RPTOR: variants seen among roughly 807,000 people sequenced by gnomAD.
RPTOR encodes the protein regulatory associated protein of MTOR complex 1, also known as regulatory-associated protein of mTOR.
In RPTOR, 21 loss-of-function variants were observed where a neutral mutation model predicts 169.9. The observed-to-expected ratio is 0.12, with a 90% confidence interval of 0.09 to 0.18. The LOEUF is 0.18. Among genes scored for constraint, RPTOR ranks in the 10% least tolerant of loss-of-function variants. The pLI is 1.00. For missense variants in RPTOR, 1,133 were observed against 1,855.9 expected (o/e 0.61, Z 7.16); for synonymous variants, 732 against 753.2 (o/e 0.97, Z 0.46).
chr17:80,959,297 T>C lies in RPTOR; in HGVS notation c.3478-781T>C, dbSNP rs2069302179. Reference sequence around the variant, plus strand: ...CCCTCAGGGCACAGCGTGGACACCCTGATCCTCAGGGTCTGGTCACCAGTG... The same window carrying C: ...CCCTCAGGGCACAGCGTGGACACCCCGATCCTCAGGGTCTGGTCACCAGTG... On this transcript the variant is annotated intron_variant, in intron 29 of 33. Transcript: ENST00000306801. This position sits in a 1 kb window ranked among gnomAD's most constrained non-coding sequence, Gnocchi z 6.7. Among the ~76,000 whole-genome samples the C allele has an allele frequency of 6.6e-6, 1 of 152,186 alleles. No individual in the cohort carries two copies. The highest frequency in any genetic ancestry group is 2.4e-5 in the African/African-American group (1 of 41,452).
At chr17:80,608,322 T>C (rs1364995231) in intron 1 of RPTOR, among the ~76,000 whole-genome samples, 3 of 152,254 alleles carry the variant, frequency 2.0e-5, no homozygotes, top group African/African-American at 4.8e-5. Flanking sequence ...TGCATTATTC[T>C]GCAATTTTCT....
intron 26 of RPTOR, among the ~76,000 whole-genome samples, chr17:80,946,884 G>A (rs1319055169): frequency 6.6e-6 from 1 of 152,216 alleles, no homozygotes; most frequent in Non-Finnish European, 1.5e-5. Flanking sequence ...AATTTTCGGA[G>A]GAACCACCAG....
intron 24 of RPTOR, among the ~76,000 whole-genome samples, chr17:80,930,793 T>C (rs1288862263): frequency 6.6e-6 from 1 of 152,222 alleles, no homozygotes; most frequent in East Asian, 1.9e-4. Flanking sequence ...TGGACTCTGG[T>C]GCTCGCAGTC....
At chr17:80,713,979 C>T (rs2066218686) in intron 4 of RPTOR, among the ~76,000 whole-genome samples, 1 of 152,092 alleles carries the variant, frequency 6.6e-6, no homozygotes, top group Admixed American at 6.5e-5. Context: ...GCTTTGGTTG[C>T]CCAGGCTGGA....
intron 1 of RPTOR, among the ~76,000 whole-genome samples, chr17:80,614,196 C>T: frequency 6.6e-6 from 1 of 152,282 alleles, no homozygotes; most frequent in African/African-American, 2.4e-5. Context: ...AAGCCACATG[C>T]TGCGGTTGGG....
In RPTOR at chr17:80,958,511, T is replaced by C. The variant is rs1016581807; in HGVS notation, c.3477+781T>C. On this transcript the variant is annotated intron_variant, in intron 29 of 33. Coordinates refer to ENST00000306801, the MANE Select transcript of RPTOR (RefSeq NM_020761.3). Reference sequence around the variant, plus strand: ...CTGCAAGCTCCGCCTCCTGGGTTCATGCCATTCTTCTGCCTCAGCCTCCCG... The same window carrying C: ...CTGCAAGCTCCGCCTCCTGGGTTCACGCCATTCTTCTGCCTCAGCCTCCCG... 1.4e-4 allele frequency among the ~76,000 whole-genome samples: 21 copies of C among 147,372 alleles called. 1 individual carries two copies. Among genetic ancestry groups the C allele is most frequent in the African/African-American group, 2.3e-4 (9 of 39,748 alleles).
chr17:80,877,399 C>T (rs2068133019), intron 13 of RPTOR, among the ~76,000 whole-genome samples: 1 of 152,248 alleles, frequency 6.6e-6, no homozygotes, highest in Admixed American at 6.5e-5. Context: ...GTGGTTCCCA[C>T]CTGGCATAAT....
intron 5 of RPTOR, chr17:80,743,203 C>G (rs921711618): frequency 1.0e-6 from 1 of 982,062 alleles, no homozygotes; most frequent in Non-Finnish European, 1.2e-6. Flanking sequence ...CTGAAATTAG[C>G]CAAGGCTCTC....
At chr17:80,848,339 T>G (rs1192497885) in intron 11 of RPTOR, among the ~76,000 whole-genome samples, 1 of 152,260 alleles carries the variant, frequency 6.6e-6, no homozygotes, top group Non-Finnish European at 1.5e-5. Context: ...GCTGTCAGTA[T>G]ATTATGACAG....
intron 20 of RPTOR, among the ~76,000 whole-genome samples, chr17:80,902,672 C>CATGTGGAAGGATGGCT (rs1567977843): frequency 2.6e-5 from 4 of 152,234 alleles, no homozygotes; most frequent in African/African-American, 9.6e-5. Flanking sequence ...TGGCTGGAGA[C>CATGTGGAAGGATGGCT]GGTCTGTGGC....
rs71367010 is a variant in RPTOR at position 80,692,278 on chromosome 17, C to CGTTATGTTATGTTATGTTAT, written c.349-15527_349-15508dup. Reference sequence around the variant, plus strand: ...AGGTGCACGCCACCATGTCTGGCTACGTTATGTTATGTTATGTTATGTTAT... The same window carrying CGTTATGTTATGTTATGTTAT: ...AGGTGCACGCCACCATGTCTGGCTACGTTATGTTATGTTATGTTATGTTATGTTATGTTATGTTATGTTAT... On this transcript the variant is annotated intron_variant, in intron 3 of 33. Transcript: ENST00000306801. 6.3e-4 allele frequency among the ~76,000 whole-genome samples: 91 copies of CGTTATGTTATGTTATGTTAT among 145,484 alleles called. 1 individual carries two copies. Among genetic ancestry groups the CGTTATGTTATGTTATGTTAT allele is most frequent in the Non-Finnish European group, 5.3e-4 (35 of 66,562 alleles).
chr17:80,742,399 T>A (rs551048666), intron 5 of RPTOR, among the ~76,000 whole-genome samples: 85 of 151,956 alleles, frequency 5.6e-4, no homozygotes, highest in Non-Finnish European at 9.7e-4. Context: ...AGGCCAGGTT[T>A]GGAGGAAGGA....
chr17:80,940,423 C>G lies in RPTOR; in HGVS notation c.2920-73C>G. ...TTTGCTATCCGAGGGGTCCTAGAAC[C>G]CATACCCCATTGATACCAAGAGACA... On this transcript the variant is annotated intron_variant, in intron 24 of 33. Transcript: ENST00000306801. 4 of 1,303,394 alleles carry G rather than the reference C, an allele frequency of 3.1e-6. No individual in the cohort carries two copies. In the South Asian group the frequency reaches 3.9e-5, roughly 13 times the overall value. 80.7% of individuals were successfully genotyped at this position (1,303,394 alleles called of 1,614,324 possible). A position where few individuals can be genotyped will look rare whatever the true frequency, so the allele number is the denominator to read the frequency against.
At chr17:80,602,854 C>T (rs1477205004) in intron 1 of RPTOR, 1 of 537,332 alleles carries the variant, frequency 1.9e-6, no homozygotes, top group Non-Finnish European at 3.5e-6. Context: ...TTGATGGTGT[C>T]TTCTCGGGTC....
chr17:80,564,408 G>A (rs1430520333), intron 1 of RPTOR, among the ~76,000 whole-genome samples: 1 of 152,094 alleles, frequency 6.6e-6, no homozygotes, highest in Non-Finnish European at 1.5e-5. Context: ...TGGAATTGCT[G>A]GGAGATAGAG....
At position 80,957,966 on chromosome 17, in the gene RPTOR, C is replaced by G. The variant is rs2069275074; in HGVS notation, c.3477+236C>G. 2.6e-5 allele frequency among the ~76,000 whole-genome samples: 4 copies of G among 152,206 alleles called. No homozygotes were observed. Among genetic ancestry groups the G allele is most frequent in the Admixed American group, 2.6e-4 (4 of 15,288 alleles). ...GCGCTGCAGTATGGCTCAGGCTGCGCCAGCTCTGAGTGTTTGCAAGTAGTG... is the reference window on the plus strand; with the variant it reads ...GCGCTGCAGTATGGCTCAGGCTGCGGCAGCTCTGAGTGTTTGCAAGTAGTG... On this transcript the variant is annotated intron_variant, in intron 29 of 33. Coordinates refer to ENST00000306801, the MANE Select transcript of RPTOR (RefSeq NM_020761.3). This position sits in a 1 kb window ranked among gnomAD's most constrained non-coding sequence, Gnocchi z 4.6.
At chr17:80,794,483 G>A (rs1289754050) in intron 7 of RPTOR, among the ~76,000 whole-genome samples, 2 of 152,136 alleles carry the variant, frequency 1.3e-5, no homozygotes, top group African/African-American at 2.4e-5. Context: ...AGAATGGTGC[G>A]GCCACTCTGG....
chr17:80,620,591 C>T (rs1056919555), intron 1 of RPTOR, among the ~76,000 whole-genome samples: 1 of 152,130 alleles, frequency 6.6e-6, no homozygotes, highest in African/African-American at 2.4e-5. Context: ...ATGGCGAAAC[C>T]CCATCTCTAC....
intron 4 of RPTOR, among the ~76,000 whole-genome samples, chr17:80,711,378 T>G (rs1459593234): frequency 6.6e-6 from 1 of 152,054 alleles, no homozygotes; most frequent in African/African-American, 2.4e-5. Flanking sequence ...CTTTTTTTCT[T>G]GTCCCCTGAA....
Sources: gnomAD v4.1 joint callset for allele counts (sites outside exome capture counted in the v4.1 genomes callset) on GRCh38, gnomAD v4.1.1 for gene constraint, Gnocchi (gnomAD v3.1) non-coding constraint, MANE v1.5 for transcripts, NCBI Gene and HGNC (gene_info 2026-07-23, HGNC 2026-07-21) for gene names.